The following C11orf42 variants were observed in gnomAD, a reference collection of about 807,000 sequenced individuals.
C11orf42 encodes uncharacterized protein C11orf42.
In C11orf42, 24 loss-of-function variants were observed where a neutral mutation model predicts 27.9. That is an observed-to-expected ratio of 0.86 (90% CI 0.62 to 1.21). C11orf42 has a LOEUF of 1.21. Among genes scored for constraint, C11orf42 ranks in the 50% most tolerant of loss-of-function variants. The probability of loss-of-function intolerance (pLI) is 0.00; values close to 1 mark genes in which losing one functional copy is unlikely to be tolerated. For missense variants in C11orf42, 455 were observed against 424.1 expected (o/e 1.07, Z -0.64); for synonymous variants, 187 against 180.8 (o/e 1.03, Z -0.28).
chr11:6,208,904 G>A (rs1847009042), intron 1 of C11orf42, among the ~76,000 whole-genome samples: 1 of 152,064 alleles, frequency 6.6e-6, no homozygotes, highest in Non-Finnish European at 1.5e-5. Flanking sequence ...GCCAGGCGCG[G>A]TGGCTCACAT....
chr11:6,205,983 AGAGT>A (rs1223617121), intron 1 of C11orf42, among the ~76,000 whole-genome samples: 2 of 152,180 alleles, frequency 1.3e-5, no homozygotes. Context: ...CTTCCTGGAA[AGAGT>A]GACATTCTAG....
rs946454942 is a variant in C11orf42, at chr11:6,210,955, G to C, written c.915G>C (p.Gln305His). 8.7e-6 allele frequency: 14 copies of C among 1,608,272 alleles called. No individual in the cohort carries two copies. Among genetic ancestry groups the C allele is most frequent in the African/African-American group, 2.7e-5 (2 of 74,308 alleles). Residue 305 changes from glutamine (Q) to histidine (H), a missense_variant, in exon 3 of 3, where the codon CAG becomes CAC. Physicochemically the swap from Gln to His is conservative, Grantham distance 24. Transcript: ENST00000316375. The surrounding 1 kb of genome is among the most constrained non-coding windows in gnomAD (Gnocchi z 4.0). Reference sequence around the variant, plus strand: ...CCCGCAGCCCTCCACCAGGAGCCCAGGGTGGGGGCCCCAGGGACCCCGACG... The same window carrying C: ...CCCGCAGCCCTCCACCAGGAGCCCACGGTGGGGGCCCCAGGGACCCCGACG... ...FSPRSPPPGA[Q>H]GGGPRDPDGH...
In C11orf42 at chr11:6,210,318, G is replaced by A. The variant is rs1256093041; in HGVS notation, c.541G>A (p.Glu181Lys). 2.5e-6 allele frequency: 4 copies of A among 1,614,070 alleles called. No individual in the cohort carries two copies. Among genetic ancestry groups the A allele is most frequent in the African/African-American group, 2.7e-5 (2 of 74,922 alleles). The part of the protein sequence containing the change: ...LQLGLTSTAR[E>K]PQLLRLLRSL... ...GCTGGGGCTGACGTCTACAGCCCGT[G>A]AGCCCCAGCTCCTCCGGCTACTTCG... Residue 181 changes from glutamate (E) to lysine (K), a missense_variant, in exon 2 of 3, where the codon GAG becomes AAG. Physicochemically the swap from Glu to Lys is moderately conservative, Grantham distance 56 (BLOSUM62 1). Coordinates refer to ENST00000316375, the MANE Select transcript of C11orf42 (RefSeq NM_173525.3). This position sits in a 1 kb window ranked among gnomAD's most constrained non-coding sequence, Gnocchi z 4.0.
Position 6,210,921 on chromosome 11 carries a change from T to G in C11orf42, c.881T>G (p.Leu294Arg), listed in dbSNP as rs759935495. 2.9e-5 allele frequency: 46 copies of G among 1,606,378 alleles called. No individual in the cohort carries two copies. Among genetic ancestry groups the G allele is most frequent in the Non-Finnish European group, 3.7e-5 (44 of 1,177,390 alleles). ...RGPQILSENW[L>R]FSPRSPPPGA... is the part of the protein sequence containing the mutation. The stretch of plus-strand genomic sequence containing the variant: ...TCCCCAACCCTGGCAGAGAACTGGC[T>G]CTTCAGCCCCCGCAGCCCTCCACCA... The change falls in exon 3 of 3, where the codon CTC (leucine) becomes CGC (arginine). Residue 294 changes from leucine to arginine, a missense_variant. Leu to Arg is a moderately radical substitution (Grantham distance 102, BLOSUM62 -2). Transcript: ENST00000316375. This position sits in a 1 kb window ranked among gnomAD's most constrained non-coding sequence, Gnocchi z 4.0.
Position 6,205,603 on chromosome 11 carries a change from C to G in C11orf42, c.-13C>G. 6.2e-7 allele frequency: 1 copy of G among 1,612,586 alleles called. No individual in the cohort carries two copies. The highest frequency in any genetic ancestry group is 8.5e-7 in the Non-Finnish European group (1 of 1,178,854). Reference sequence around the variant, plus strand: ...GCAGCCACTGCCCTGCCCAATCCCTCCCATACCCCACCATGTTGGTGGGTA... The same window carrying G: ...GCAGCCACTGCCCTGCCCAATCCCTGCCATACCCCACCATGTTGGTGGGTA... On this transcript the variant is annotated 5_prime_UTR_variant, in exon 1 of 3. Coordinates refer to ENST00000316375, the MANE Select transcript of C11orf42 (RefSeq NM_173525.3).
At chr11:6,208,769 T>C (rs1847007551) in intron 1 of C11orf42, among the ~76,000 whole-genome samples, 1 of 152,180 alleles carries the variant, frequency 6.6e-6, no homozygotes, top group African/African-American at 2.4e-5. Flanking sequence ...TAAGTTCTAC[T>C]AATTCTATAA....
At chr11:6,207,294 C>T (rs1283962647) in intron 1 of C11orf42, among the ~76,000 whole-genome samples, 2 of 152,192 alleles carry the variant, frequency 1.3e-5, no homozygotes, top group African/African-American at 4.8e-5. Context: ...AATTAGACAA[C>T]TTAATGCCTG....
At chr11:6,209,719 G>A in intron 1 of C11orf42, 131 bp from the exon 2 acceptor site, 1 of 885,010 alleles carries the variant, frequency 1.1e-6, no homozygotes, top group Non-Finnish European at 1.7e-6. Context: ...AGAGCTGGGA[G>A]GTAAGCAGAA....
rs1197443942 is a variant in C11orf42, at chr11:6,210,693, G to A, written c.871+45G>A. On this transcript the variant is annotated intron_variant, in intron 2 of 2. Coordinates refer to ENST00000316375, the MANE Select transcript of C11orf42 (RefSeq NM_173525.3). This position sits in a 1 kb window ranked among gnomAD's most constrained non-coding sequence, Gnocchi z 4.0. ...TGATGAGATGGATGGGAGGGACAAA[G>A]TGAAGGAGGGAGAAGGCATGAGAAT... The A allele has an allele frequency of 7.6e-6, 12 of 1,585,928 alleles. No individual in the cohort carries two copies. The highest frequency in any genetic ancestry group is 1.0e-5 in the Non-Finnish European group (12 of 1,159,916).
chr11:6,210,743 C>A lies in C11orf42; in HGVS notation c.871+95C>A. 1 of 1,427,994 alleles carries A rather than the reference C, an allele frequency of 7.0e-7. No individual in the cohort carries two copies. Among genetic ancestry groups the A allele is most frequent in the Admixed American group, 2.2e-5 (1 of 45,590 alleles). The allele number at this position is 1,427,994 out of a possible 1,614,324, so 88.5% of individuals were successfully genotyped here. On this transcript the variant is annotated intron_variant, in intron 2 of 2. Coordinates refer to ENST00000316375, the MANE Select transcript of C11orf42 (RefSeq NM_173525.3). The surrounding 1 kb of genome is among the most constrained non-coding windows in gnomAD (Gnocchi z 4.0). Reference sequence around the variant, plus strand: ...TTAAGTATGTGAGGAATCCATTACTCAGCACAGGGCTCTGGTGAAAGAGAT... The same window carrying A: ...TTAAGTATGTGAGGAATCCATTACTAAGCACAGGGCTCTGGTGAAAGAGAT...
intron 1 of C11orf42, among the ~76,000 whole-genome samples, chr11:6,207,601 C>T (rs111584858): frequency 4.5e-4 from 68 of 152,234 alleles, no homozygotes; most frequent in Middle Eastern, 3.4e-3. Context: ...TCCCTGGAAA[C>T]GCAACTGGTC....
chr11:6,206,269 A>G (rs1359530388), intron 1 of C11orf42, among the ~76,000 whole-genome samples: 2 of 152,216 alleles, frequency 1.3e-5, no homozygotes, highest in Non-Finnish European at 2.9e-5. Flanking sequence ...AGGACTTCCT[A>G]TAGAACCAGC....
intron 1 of C11orf42, among the ~76,000 whole-genome samples, chr11:6,206,892 T>G (rs185278767): frequency 2.6e-5 from 4 of 152,232 alleles, no homozygotes; most frequent in Admixed American, 2.6e-4. Context: ...GATAAATCAC[T>G]GGCATTACGG....
At chr11:6,208,683 T>C (rs1268764516) in intron 1 of C11orf42, among the ~76,000 whole-genome samples, 2 of 152,160 alleles carry the variant, frequency 1.3e-5, no homozygotes, top group Non-Finnish European at 2.9e-5. Context: ...TGTCTCGGCC[T>C]CCCAAAGTGC....
At chr11:6,207,702 A>C (rs1846994421) in intron 1 of C11orf42, among the ~76,000 whole-genome samples, 1 of 152,194 alleles carries the variant, frequency 6.6e-6, no homozygotes, top group African/African-American at 2.4e-5. Context: ...CCACAAAAGA[A>C]CATCAGTTAT....
At position 6,210,545 on chromosome 11, in the gene C11orf42, A is replaced by G. The variant is rs749050968; in HGVS notation, c.768A>G (p.Pro256=). ...TEAADVPPPV[P]APPTPPPQEG... is the part of the protein sequence containing the mutation. Reference sequence around the variant, plus strand: ...CTGCTGATGTGCCCCCACCTGTCCCAGCCCCACCTACGCCACCTCCCCAGG... The same window carrying G: ...CTGCTGATGTGCCCCCACCTGTCCCGGCCCCACCTACGCCACCTCCCCAGG... The change falls in exon 2 of 3, where the codon CCA becomes CCG. Residue 256 remains proline, a synonymous_variant. Coordinates refer to ENST00000316375, the MANE Select transcript of C11orf42 (RefSeq NM_173525.3). The surrounding 1 kb of genome is among the most constrained non-coding windows in gnomAD (Gnocchi z 4.0). 6.2e-7 allele frequency: 1 copy of G among 1,613,768 alleles called. No individual in the cohort carries two copies. The highest frequency in any genetic ancestry group is 1.1e-5 in the South Asian group (1 of 91,034).
rs536909641 is a variant in C11orf42 at position 6,208,637 on chromosome 11, G to C, written c.73-1213G>C. Reference sequence around the variant, plus strand: ...AGACAGGGTTTCACCATGTTGGTCAGGATGGTCTCCAACTCCTGACCTCAG... The same window carrying C: ...AGACAGGGTTTCACCATGTTGGTCACGATGGTCTCCAACTCCTGACCTCAG... On this transcript the variant is annotated intron_variant, in intron 1 of 2. Coordinates refer to ENST00000316375, the MANE Select transcript of C11orf42 (RefSeq NM_173525.3). 1.4e-4 allele frequency among the ~76,000 whole-genome samples: 21 copies of C among 152,232 alleles called. No homozygotes were observed. The South Asian group carries it at 4.4e-3, about 32-fold the overall frequency.
At chr11:6,207,638 G>T (rs1451534554) in intron 1 of C11orf42, among the ~76,000 whole-genome samples, 1 of 152,208 alleles carries the variant, frequency 6.6e-6, no homozygotes, top group Non-Finnish European at 1.5e-5. Flanking sequence ...CCAAAAGGAA[G>T]TGTTTTCCAG....
rs372116857 is a variant in C11orf42 at position 6,210,475 on chromosome 11, T to C, written c.698T>C (p.Met233Thr). The C allele has an allele frequency of 9.3e-6, 15 of 1,613,686 alleles. 1 individual carries two copies. Among genetic ancestry groups the C allele is most frequent in the South Asian group, 2.2e-5 (2 of 91,082 alleles). ...TGGGTCAGACCCAACCTCAGCATCA[T>C]GCCGCCTCTGGCCCCCACATCAGCA... is the stretch of plus-strand genomic sequence containing the variant. The part of the protein sequence containing the change: ...ANWVRPNLSI[M>T]PPLAPTSAPA... The change falls in exon 2 of 3, where the codon ATG becomes ACG. Residue 233 changes from methionine (M) to threonine (T), a missense_variant. Physicochemically the swap from Met to Thr is moderately conservative, Grantham distance 81. Coordinates refer to ENST00000316375, the MANE Select transcript of C11orf42 (RefSeq NM_173525.3). The surrounding 1 kb of genome is among the most constrained non-coding windows in gnomAD (Gnocchi z 4.0).
Sources: gnomAD v4.1 joint callset for allele counts (sites outside exome capture counted in the v4.1 genomes callset) on GRCh38, gnomAD v4.1.1 for gene constraint, Gnocchi (gnomAD v3.1) non-coding constraint, MANE v1.5 for transcripts, NCBI Gene and HGNC (gene_info 2026-07-23, HGNC 2026-07-21) for gene names.